Variants in BMP5 observed in about 807,000 individuals in gnomAD.
BMP5 encodes the protein bone morphogenetic protein 5.
A neutral mutation model predicts 46.6 loss-of-function variants in BMP5; 23 were observed. The ratio of observed to expected loss-of-function variants is 0.49; its 90% CI spans 0.35 to 0.70. BMP5 has a LOEUF of 0.70. Ranked by LOEUF, BMP5 falls within the 30% of genes least tolerant of loss-of-function variation. The pLI is 0.00. For missense variants in BMP5, 545 were observed against 565.6 expected, an observed-to-expected ratio of 0.96 and a Z score of 0.37; for synonymous variants, 204 against 191.9, an observed-to-expected ratio of 1.06 and a Z score of -0.52.
chr6:55,793,904 A>C (rs1268774794), intron 3 of BMP5, among the ~76,000 whole-genome samples: 1 of 152,078 alleles, frequency 6.6e-6, no homozygotes, highest in African/African-American at 2.4e-5. Context: ...TTCTTATTTG[A>C]TGTACAGTTC....
chr6:55,874,492 C>T lies in BMP5; in HGVS notation c.374G>A (p.Arg125His), dbSNP rs148184427. 4.6e-5 allele frequency: 74 copies of T among 1,613,284 alleles called. No homozygotes were observed. The African/African-American group carries it at 8.4e-4, about 18-fold the overall frequency. Residue 125 changes from arginine (R) to histidine (H), a missense_variant, in exon 1 of 7, where the codon CGT (arginine) becomes CAT (histidine). Coordinates refer to ENST00000370830, the MANE Select transcript of BMP5 (RefSeq NM_021073.4). ...AGTCGTCCGAGATAACTGTATGCGA[C>T]GAGGATACCCATTGGGAGAGGCTGG... is the stretch of plus-strand genomic sequence containing the variant. ...GYPASPNGYPRRIQLSRTTPL... is the reference protein window; with the variant it reads ...GYPASPNGYPHRIQLSRTTPL...
intron 1 of BMP5, among the ~76,000 whole-genome samples, chr6:55,827,284 T>G (rs1453087811): frequency 6.6e-6 from 1 of 151,774 alleles, no homozygotes; most frequent in Non-Finnish European, 1.5e-5. Context: ...CTGACCTGAG[T>G]GCTCTTAGGA....
intron 6 of BMP5, among the ~76,000 whole-genome samples, chr6:55,755,918 C>T (rs1308616063): frequency 1.3e-5 from 2 of 151,810 alleles, no homozygotes; most frequent in Non-Finnish European, 2.9e-5. Flanking sequence ...AATATCTCAC[C>T]AAATAAAGAA....
In BMP5 at chr6:55,874,508, G is replaced by A; in HGVS notation, c.358C>T (p.Pro120Ser). ...RGARKGYPAS[P>S]NGYPRRIQLS... is the part of the protein sequence containing the mutation. ...TGTATGCGACGAGGATACCCATTGG[G>A]AGAGGCTGGGTATCCCTTTCTTGCC... is the stretch of plus-strand genomic sequence containing the variant. The change falls in exon 1 of 7, where the codon CCC becomes TCC. Residue 120 changes from proline (P) to serine (S), a missense_variant. Physicochemically the swap from Pro to Ser is moderately conservative, Grantham distance 74 (BLOSUM62 -1). Coordinates refer to ENST00000370830, the MANE Select transcript of BMP5 (RefSeq NM_021073.4). 2 of 1,613,450 alleles carry A rather than the reference G, an allele frequency of 1.2e-6. No homozygotes were observed. The highest frequency in any genetic ancestry group is 1.7e-6 in the Non-Finnish European group (2 of 1,179,660).
chr6:55,774,137 T>A lies in BMP5; in HGVS notation c.939A>T (p.Arg313=), dbSNP rs1775112567. Residue 313 remains arginine, a synonymous_variant, in exon 4 of 7, where the codon CGA becomes CGT. Coordinates refer to ENST00000370830, the MANE Select transcript of BMP5 (RefSeq NM_021073.4). ...TTCGTTTGTTGGCTGCTCTCACGGA[T>A]CGAAGAAGTACCTCACTCGCCTTGA... ...AFFKASEVLL[R]SVRAANKRKN... 6.2e-7 allele frequency: 1 copy of A among 1,613,174 alleles called. No individual in the cohort carries two copies. Among genetic ancestry groups the A allele is most frequent in the Non-Finnish European group, 8.5e-7 (1 of 1,179,458 alleles).
At chr6:55,828,345 A>G (rs1410861487) in intron 1 of BMP5, among the ~76,000 whole-genome samples, 3 of 151,866 alleles carry the variant, frequency 2.0e-5, no homozygotes, top group Non-Finnish European at 4.4e-5. Context: ...ATACTTGGTT[A>G]CAAGACACTA....
chr6:55,773,726 G>A (rs1016979525), intron 4 of BMP5, among the ~76,000 whole-genome samples: 1 of 151,886 alleles, frequency 6.6e-6, no homozygotes, highest in Non-Finnish European at 1.5e-5. Context: ...TTTTTGAAAG[G>A]CCCTGAGGAA....
chr6:55,813,863 TA>T (rs1776195351), intron 2 of BMP5, among the ~76,000 whole-genome samples: 1 of 152,204 alleles, frequency 6.6e-6, no homozygotes, highest in Non-Finnish European at 1.5e-5. Flanking sequence ...TTTTCTTGTT[TA>T]ATTATGTTCA....
chr6:55,768,779 T>A (rs1774977615), intron 4 of BMP5, among the ~76,000 whole-genome samples: 1 of 151,982 alleles, frequency 6.6e-6, no homozygotes, highest in African/African-American at 2.4e-5. Flanking sequence ...TTTGGATTCT[T>A]CATACAGGCA....
intron 1 of BMP5, among the ~76,000 whole-genome samples, chr6:55,831,169 C>T (rs1052148533): frequency 2.6e-5 from 4 of 152,076 alleles, no homozygotes; most frequent in African/African-American, 9.7e-5. Context: ...TGAGAATCCT[C>T]TTTTTGAAAT....
chr6:55,874,878 G>T lies in BMP5; in HGVS notation c.-13C>A. ...CAGTCAGATGCATTTTTGTCCAAAA[G>T]CAAAAGTTGATATTTTTAGTCCTTC... is the stretch of plus-strand genomic sequence containing the variant. On this transcript the variant is annotated 5_prime_UTR_variant, in exon 1 of 7. Coordinates refer to ENST00000370830, the MANE Select transcript of BMP5 (RefSeq NM_021073.4). 6.2e-7 allele frequency: 1 copy of T among 1,610,178 alleles called. No individual in the cohort carries two copies. The highest frequency in any genetic ancestry group is 1.7e-4 in the Middle Eastern group (1 of 6,040).
In BMP5 at chr6:55,794,346, G is replaced by T; in HGVS notation, c.765C>A (p.Thr255=). Residue 255 remains threonine (T), a synonymous_variant, in exon 3 of 7, where the codon ACC becomes ACA. Coordinates refer to ENST00000370830, the MANE Select transcript of BMP5 (RefSeq NM_021073.4). ...VGWLVFDITV[T]SNHWVINPQN... Reference sequence around the variant, plus strand: ...GGGGATTAATCACCCAATGATTGCTGGTCACAGTGATATCAAAGACAAGCC... The same window carrying T: ...GGGGATTAATCACCCAATGATTGCTTGTCACAGTGATATCAAAGACAAGCC... The T allele has an allele frequency of 6.2e-7, 1 of 1,613,926 alleles. No individual in the cohort carries two copies. The highest frequency in any genetic ancestry group is 1.1e-5 in the South Asian group (1 of 91,070).
intron 2 of BMP5, among the ~76,000 whole-genome samples, chr6:55,816,611 G>C (rs1395212218): frequency 6.6e-6 from 1 of 152,098 alleles, no homozygotes; most frequent in Non-Finnish European, 1.5e-5. Context: ...TGTTAAAGTT[G>C]AGAAACAAAT....
chr6:55,784,534 T>C (rs978300289), intron 3 of BMP5, among the ~76,000 whole-genome samples: 9 of 151,714 alleles, frequency 5.9e-5, no homozygotes, highest in African/African-American at 2.2e-4. Flanking sequence ...AAGATTAAAT[T>C]TGACTAAATT....
chr6:55,820,480 T>C lies in BMP5; in HGVS notation c.491-633A>G, dbSNP rs1776381217. On this transcript the variant is annotated intron_variant, in intron 1 of 6. Coordinates refer to ENST00000370830, the MANE Select transcript of BMP5 (RefSeq NM_021073.4). Reference sequence around the variant, plus strand: ...TTGCCCAAGCTGGAGTGCAGTGGTATGATCACCGCTCACTGACGCCTGGAC... The same window carrying C: ...TTGCCCAAGCTGGAGTGCAGTGGTACGATCACCGCTCACTGACGCCTGGAC... Among the ~76,000 whole-genome samples, 2 of 152,124 alleles carry C rather than the reference T, an allele frequency of 1.3e-5. 1 individual carries two copies. The highest frequency in any genetic ancestry group is 4.1e-4 in the South Asian group (2 of 4,826).
intron 1 of BMP5, among the ~76,000 whole-genome samples, chr6:55,837,881 T>C (rs759191915): frequency 3.3e-5 from 5 of 152,202 alleles, no homozygotes; most frequent in Admixed American, 6.5e-5. Flanking sequence ...TTTGGATTAT[T>C]AGATCCCACA....
rs539842353 is a variant in BMP5 at position 55,849,831 on chromosome 6, A to G, written c.490+24545T>C. 1.2e-4 allele frequency among the ~76,000 whole-genome samples: 18 copies of G among 152,192 alleles called. No homozygotes were observed. The South Asian group carries it at 3.5e-3, about 30-fold the overall frequency. ...AAATTATGGAGACCAGAAGTGAATG[A>G]AAATCATCCTAGATTTCTCTGATCA... On this transcript the variant is annotated intron_variant, in intron 1 of 6. Transcript: ENST00000370830.
chr6:55,815,763 C>T (rs1018735870), intron 2 of BMP5, among the ~76,000 whole-genome samples: 1 of 151,952 alleles, frequency 6.6e-6, no homozygotes, highest in African/African-American at 2.4e-5. Context: ...GCATCAATAT[C>T]CATAAATATT....
chr6:55,819,711 A>G lies in BMP5; in HGVS notation c.627T>C (p.Phe209=). 2 of 1,613,818 alleles carry G rather than the reference A, an allele frequency of 1.2e-6. No individual in the cohort carries two copies. The highest frequency in any genetic ancestry group is 2.2e-5 in the South Asian group (2 of 91,076). Reference sequence around the variant, plus strand: ...TGCTAATCTTAATTGTTTCATTTTCAAATCGGTTGTTGCTCCGGTCCTTGT... The same window carrying G: ...TGCTAATCTTAATTGTTTCATTTTCGAATCGGTTGTTGCTCCGGTCCTTGT... ...RIYKDRSNNR[F]ENETIKISIY... The change falls in exon 2 of 7, where the codon TTT becomes TTC. Residue 209 remains phenylalanine (F), a synonymous_variant. Coordinates refer to ENST00000370830, the MANE Select transcript of BMP5 (RefSeq NM_021073.4).
Sources: allele counts gnomAD v4.1 joint callset (sites outside exome capture counted in the v4.1 genomes callset), GRCh38; gene constraint gnomAD v4.1.1; transcripts MANE v1.5; gene names NCBI Gene and HGNC (gene_info 2026-07-23, HGNC 2026-07-21).